The following RAB43 variants were observed in gnomAD, a reference collection of about 807,000 sequenced individuals.
The protein encoded by RAB43 is RAB43, member RAS oncogene family, also known as ras-related protein Rab-43.
In RAB43, 6 loss-of-function variants were observed where a neutral mutation model predicts 18.8. The observed-to-expected ratio is 0.32, with a 90% CI of 0.17 to 0.63. The LOEUF is 0.63. RAB43 is among the 30% of genes least tolerant of loss of function. RAB43 has a pLI of 0.79. For missense variants in RAB43, 195 were observed against 289.1 expected (o/e 0.67, Z 2.36); for synonymous variants, 103 against 124.1 (o/e 0.83, Z 1.13).
At chr3:129,094,671 C>A (rs769858889) in intron 2 of RAB43, among the ~76,000 whole-genome samples, 4 of 151,418 alleles carry the variant, frequency 2.6e-5, no homozygotes, top group Non-Finnish European at 5.9e-5. Context: ...CCTGCCACCA[C>A]AACCGGCTAA....
rs1935658900 is a variant in RAB43 at position 129,118,005 on chromosome 3, A to ATTGTAT, written c.204+3280_204+3281insATACAA. On this transcript the variant is annotated intron_variant, in intron 1 of 2. Transcript: ENST00000315150. ...GCTGTGGTAAGTGTTATGACCAGAT[A>ATTGTAT]CAATAGAGTTACAGAATAGAGGACC... is the stretch of plus-strand genomic sequence containing the variant. Among the ~76,000 whole-genome samples the ATTGTAT allele has an allele frequency of 5.0e-4, 76 of 152,384 alleles. 2 individuals carry two copies. The South Asian group carries it at 0.015, about 31-fold the overall frequency.
intron 1 of RAB43, among the ~76,000 whole-genome samples, chr3:129,102,812 G>A (rs1934513851): frequency 6.6e-6 from 1 of 151,860 alleles, no homozygotes; most frequent in South Asian, 2.1e-4. Flanking sequence ...CCCCAACCAA[G>A]CCAGCTGGCA....
rs1225268779 is a variant in RAB43 at position 129,107,335 on chromosome 3, AAAAGGTGCACTGTGGG to A, written c.205-12182_205-12167del. 6.6e-6 allele frequency among the ~76,000 whole-genome samples: 1 copy of A among 152,160 alleles called. No individual in the cohort carries two copies. Among genetic ancestry groups the A allele is most frequent in the Non-Finnish European group, 1.5e-5 (1 of 68,028 alleles). On this transcript the variant is annotated intron_variant, in intron 1 of 2. Coordinates refer to ENST00000315150, the MANE Select transcript of RAB43 (RefSeq NM_198490.3). The surrounding 1 kb of genome is among the most constrained non-coding windows in gnomAD (Gnocchi z 4.2). ...CCGTTCCTGAACAGCTTGGATGAGA[AAAAGGTGCACTGTGGG>A]AAACGACCCTGGCCTCTGGCCAACA...
intron 1 of RAB43, among the ~76,000 whole-genome samples, chr3:129,110,064 C>T (rs1258928048): frequency 1.3e-5 from 2 of 151,976 alleles, no homozygotes; most frequent in African/African-American, 2.4e-5. Flanking sequence ...AGGTTCTCCC[C>T]ATGTTGCCCA....
chr3:129,117,705 C>G (rs1935640246), intron 1 of RAB43, among the ~76,000 whole-genome samples: 4 of 152,226 alleles, frequency 2.6e-5, no homozygotes, highest in African/African-American at 2.4e-5. Flanking sequence ...TTTATTAGAT[C>G]CATTCACTTT....
Position 129,090,190 on chromosome 3 carries a change from G to C in RAB43, c.*906C>G, listed in dbSNP as rs1308563822. On this transcript the variant is annotated 3_prime_UTR_variant, in exon 3 of 3. Coordinates refer to ENST00000315150, the MANE Select transcript of RAB43 (RefSeq NM_198490.3). ...ATTCCATAGACTGGGACCCACGCTC[G>C]GCTGGCAGGATTCCTGCTTGTGGGG... 1 of 151,986 alleles carries C rather than the reference G, an allele frequency of 6.6e-6. No individual in the cohort carries two copies. 9.4% of individuals were successfully genotyped at this position (151,986 alleles called of 1,614,324 possible). A position where few individuals can be genotyped will look rare whatever the true frequency, so the allele number is the denominator to read the frequency against.
intron 1 of RAB43, among the ~76,000 whole-genome samples, chr3:129,111,332 T>A (rs1253562868): frequency 6.6e-6 from 1 of 151,874 alleles, no homozygotes; most frequent in Non-Finnish European, 1.5e-5. Context: ...CTGGCCAACA[T>A]GGTGAAACCT....
intron 2 of RAB43, among the ~76,000 whole-genome samples, chr3:129,091,587 G>T (rs1303292230): frequency 6.6e-6 from 1 of 152,244 alleles, no homozygotes; most frequent in Non-Finnish European, 1.5e-5. Flanking sequence ...AGGAATTCAA[G>T]ACCAGCCTGG....
At chr3:129,109,349 G>A (rs540739176) in intron 1 of RAB43, among the ~76,000 whole-genome samples, 5 of 151,206 alleles carry the variant, frequency 3.3e-5, no homozygotes, top group South Asian at 4.2e-4. Flanking sequence ...GGCGGAGCTT[G>A]CAGTGAGCCG....
chr3:129,094,146 C>A (rs1419491732), intron 2 of RAB43, among the ~76,000 whole-genome samples: 1 of 152,178 alleles, frequency 6.6e-6, no homozygotes, highest in Non-Finnish European at 1.5e-5. Context: ...TTCATGGGCC[C>A]CACCCAGCCC....
At position 129,121,722 on chromosome 3, in the gene RAB43, C is replaced by A. The variant is rs1935949785; in HGVS notation, c.-233G>T. 4 of 294,256 alleles carry A rather than the reference C, an allele frequency of 1.4e-5. No individual in the cohort carries two copies. The highest frequency in any genetic ancestry group is 1.0e-4 in the Admixed American group (2 of 19,108). The allele number at this position is 294,256 out of a possible 1,614,324, so 18.2% of individuals were successfully genotyped here. A position where few individuals can be genotyped will look rare whatever the true frequency, so the allele number is the denominator to read the frequency against. On this transcript the variant is annotated 5_prime_UTR_variant, in exon 1 of 3. Coordinates refer to ENST00000315150, the MANE Select transcript of RAB43 (RefSeq NM_198490.3). Reference sequence around the variant, plus strand: ...GGCCCCGCCCGGACCCGGTGCCCCGCGGGTTCGGCTCCCCCCCGGACCCGC... The same window carrying A: ...GGCCCCGCCCGGACCCGGTGCCCCGAGGGTTCGGCTCCCCCCCGGACCCGC...
At chr3:129,091,940 G>A (rs1364327582) in intron 2 of RAB43, among the ~76,000 whole-genome samples, 8 of 151,754 alleles carry the variant, frequency 5.3e-5, no homozygotes, top group East Asian at 1.9e-4. Context: ...GCGTGGTGGC[G>A]GGGGCCTGTA....
At chr3:129,115,036 T>A (rs1576847315) in intron 1 of RAB43, among the ~76,000 whole-genome samples, 1 of 152,048 alleles carries the variant, frequency 6.6e-6, no homozygotes, top group Non-Finnish European at 1.5e-5. Flanking sequence ...TTCCCATCTG[T>A]GGATGATCCA....
rs992480094 is a variant in RAB43 at position 129,095,431 on chromosome 3, C to T, written c.205-262G>A. Among the ~76,000 whole-genome samples the T allele has an allele frequency of 6.6e-6, 1 of 152,194 alleles. No individual in the cohort carries two copies. The highest frequency in any genetic ancestry group is 1.5e-5 in the Non-Finnish European group (1 of 68,028). ...ACACTCTGAGCTGACCCAGGTCCTC[C>T]GCGTGCCCCTCCGTGTGCCCCTCTC... On this transcript the variant is annotated intron_variant, in intron 1 of 2. Transcript: ENST00000315150. This position sits in a 1 kb window ranked among gnomAD's most constrained non-coding sequence, Gnocchi z 4.2.
intron 1 of RAB43, among the ~76,000 whole-genome samples, chr3:129,117,378 A>G (rs1350779366): frequency 6.6e-6 from 1 of 152,254 alleles, no homozygotes; most frequent in Non-Finnish European, 1.5e-5. Flanking sequence ...AGCAAGACTC[A>G]GAACTTCAGA....
chr3:129,096,985 C>T (rs1003550373), intron 1 of RAB43, among the ~76,000 whole-genome samples: 2 of 152,042 alleles, frequency 1.3e-5, no homozygotes, highest in East Asian at 1.9e-4. Context: ...TGGTGGTGCA[C>T]GCCTGTAATC....
At position 129,093,507 on chromosome 3, in the gene RAB43, G is replaced by A. The variant is rs191713460; in HGVS notation, c.388+1479C>T. ...TGCCTGTAGTCCCAGCTACTCAGGA[G>A]GCTGAGGCAGGAGAATTGCTTGAAC... is the stretch of plus-strand genomic sequence containing the variant. On this transcript the variant is annotated intron_variant, in intron 2 of 2. Transcript: ENST00000315150. Among the ~76,000 whole-genome samples, 181 of 152,348 alleles carry A rather than the reference G, an allele frequency of 1.2e-3. 5 individuals carry two copies. In the East Asian group the frequency reaches 0.021, roughly 18 times the overall value.
chr3:129,113,808 C>T (rs1176667076), intron 1 of RAB43, among the ~76,000 whole-genome samples: 1 of 152,052 alleles, frequency 6.6e-6, no homozygotes, highest in Admixed American at 6.6e-5. Flanking sequence ...GCAGGCAGAT[C>T]ACGAGGTCAA....
In RAB43 at chr3:129,121,151, C is replaced by A. The variant is rs148715361; in HGVS notation, c.204+135G>T. 1,833 of 841,208 alleles carry A rather than the reference C, an allele frequency of 2.2e-3. 38 individuals carry two copies. In the East Asian group the frequency reaches 0.043, roughly 20 times the overall value. The allele number at this position is 841,208 out of a possible 1,614,324, so 52.1% of individuals were successfully genotyped here. ...ACCCCGGGGCCCAGGCCTGCTCCGA[C>A]CCGAGGAAGGAAAAAGGGGAAGCCA... On this transcript the variant is annotated intron_variant, in intron 1 of 2. Transcript: ENST00000315150.
Sources: gnomAD v4.1 joint callset for allele counts (sites outside exome capture counted in the v4.1 genomes callset) on GRCh38, gnomAD v4.1.1 for gene constraint, Gnocchi (gnomAD v3.1) non-coding constraint, MANE v1.5 for transcripts, NCBI Gene and HGNC (gene_info 2026-07-23, HGNC 2026-07-21) for gene names.